The following ZFHX3 variants were observed in gnomAD, a reference collection of about 807,000 sequenced individuals.
ZFHX3 encodes zinc finger homeobox protein 3.
ZFHX3 carries 42 observed loss-of-function variants against 279.1 expected under a neutral mutation model. That is an observed-to-expected ratio of 0.15 (90% confidence interval 0.12 to 0.19). The LOEUF (loss-of-function observed/expected upper bound fraction) is 0.19, where lower values mean the gene tolerates loss of function less well. ZFHX3 is among the 10% of genes least tolerant of loss of function. The pLI, the probability that ZFHX3 is intolerant of heterozygous loss-of-function variation, is 1.00. For synonymous variants in ZFHX3, 2,293 were observed against 1,957.8 expected, an observed-to-expected ratio of 1.17 and a Z score of -4.52; for missense variants, 4,981 against 4,754.0, an observed-to-expected ratio of 1.05 and a Z score of -1.40.
At chr16:73,143,623 A>T in intron 6 of ZFHX3, 1 of 542,546 alleles carries the variant, frequency 1.8e-6, no homozygotes, top group Non-Finnish European at 3.2e-6. Context: ...GTCTAGTAAC[A>T]CTGCAATTTC....
rs539834855 is a variant in ZFHX3, at chr16:73,642,568, C to T, written c.-1547+37612G>A. On this transcript the variant is annotated intron_variant, in intron 2 of 17. Transcript: ENST00000641206. The stretch of plus-strand genomic sequence containing the variant: ...AGCCACTTGAAATATTTACATATAC[C>T]AAAATATAAAACGGCATATAAAAAT... Among the ~76,000 whole-genome samples, 3 of 152,196 alleles carry T rather than the reference C, an allele frequency of 2.0e-5. No individual in the cohort carries two copies. The South Asian group carries it at 6.2e-4, about 32-fold the overall frequency.
In ZFHX3 at chr16:72,788,649, C is replaced by G. The variant is rs771055705; in HGVS notation, c.9627G>C (p.Gln3209His). 1.8e-5 allele frequency: 29 copies of G among 1,613,482 alleles called. No homozygotes were observed. Among genetic ancestry groups the G allele is most frequent in the Non-Finnish European group, 2.2e-5 (26 of 1,179,806 alleles). The part of the protein sequence containing the change: ...QQQQQQPQVQ[Q>H]PPPPPAAQPP... ...GCTGGGCTGCTGGCGGCGGGGGAGGCTGCTGCACCTGTGGTTGCTGCTGCT... is the reference window on the plus strand; with the variant it reads ...GCTGGGCTGCTGGCGGCGGGGGAGGGTGCTGCACCTGTGGTTGCTGCTGCT... Residue 3209 changes from glutamine (Q) to histidine (H), a missense_variant, in exon 10 of 10, where the codon CAG (glutamine) becomes CAC (histidine). Gln to His is a conservative substitution (Grantham distance 24). Around this residue, in one of 7 missense-constraint regions of ZFHX3, gnomAD observed 1,034 missense variants for 786.0 expected, o/e 1.32. Coordinates refer to ENST00000268489, the MANE Select transcript of ZFHX3 (RefSeq NM_006885.4).
intron 3 of ZFHX3, among the ~76,000 whole-genome samples, chr16:73,344,465 G>A (rs540237397): frequency 1.5e-4 from 23 of 152,280 alleles, no homozygotes; most frequent in South Asian, 1.2e-3. Flanking sequence ...ATGTGTTTCC[G>A]GATAAAGCAC....
At chr16:73,781,327 A>T (rs1959464902) in intron 1 of ZFHX3, among the ~76,000 whole-genome samples, 1 of 152,250 alleles carries the variant, frequency 6.6e-6, no homozygotes, top group Admixed American at 6.5e-5. Flanking sequence ...CAGCTCGATT[A>T]TAAGGCTAGA....
At chr16:73,330,154 G>A (rs2015772527) in intron 3 of ZFHX3, among the ~76,000 whole-genome samples, 1 of 152,184 alleles carries the variant, frequency 6.6e-6, no homozygotes, top group Admixed American at 6.5e-5. Flanking sequence ...CACACTTAGA[G>A]CAGGATGGGG....
At chr16:73,159,321 C>A (rs1409801073) in intron 5 of ZFHX3, among the ~76,000 whole-genome samples, 1 of 152,152 alleles carries the variant, frequency 6.6e-6, no homozygotes, top group Non-Finnish European at 1.5e-5. Context: ...TTTTTCTCCC[C>A]TTTTTATCTA....
At chr16:73,737,870 A>C (rs943083803) in intron 1 of ZFHX3, among the ~76,000 whole-genome samples, 15 of 152,140 alleles carry the variant, frequency 9.9e-5, no homozygotes. Context: ...ATAAAACTCA[A>C]ATCAGACAAT....
chr16:73,727,208 T>A (rs1313972396), intron 1 of ZFHX3, among the ~76,000 whole-genome samples: 2 of 152,124 alleles, frequency 1.3e-5, no homozygotes, highest in African/African-American at 4.8e-5. Context: ...TACAGGTGAA[T>A]CCTGGCAGGC....
At chr16:73,877,473 CAGTT>C (rs1490071233) in intron 1 of ZFHX3, among the ~76,000 whole-genome samples, 1 of 152,086 alleles carries the variant, frequency 6.6e-6, no homozygotes, top group Admixed American at 6.5e-5. Context: ...AAATAAGACT[CAGTT>C]AATTCAAAAG....
chr16:73,318,523 T>C (rs2015505157), intron 3 of ZFHX3, among the ~76,000 whole-genome samples: 1 of 152,194 alleles, frequency 6.6e-6, no homozygotes, highest in African/African-American at 2.4e-5. Flanking sequence ...TGCTTTTTTT[T>C]TTCTTTATTC....
intron 2 of ZFHX3, among the ~76,000 whole-genome samples, chr16:73,634,420 AG>A (rs1181078996): frequency 3.2e-5 from 4 of 123,334 alleles, no homozygotes; most frequent in Non-Finnish European, 6.5e-5. Flanking sequence ...CAACTCAACC[AG>A]TTATTATGTA....
At chr16:73,841,491 G>C (rs1411063896) in intron 1 of ZFHX3, among the ~76,000 whole-genome samples, 1 of 152,112 alleles carries the variant, frequency 6.6e-6, no homozygotes, top group South Asian at 2.1e-4. Context: ...GCATGACCAA[G>C]CTGAAAGAGA....
At chr16:73,518,015 T>C (rs1817649129) in intron 2 of ZFHX3, among the ~76,000 whole-genome samples, 2 of 152,338 alleles carry the variant, frequency 1.3e-5, no homozygotes, top group South Asian at 4.1e-4. Flanking sequence ...TTTCAACACA[T>C]AATCAACGTA....
intron 2 of ZFHX3, among the ~76,000 whole-genome samples, chr16:73,537,067 T>C (rs955953744): frequency 2.0e-5 from 3 of 152,204 alleles, no homozygotes; most frequent in African/African-American, 4.8e-5. Context: ...ATCTATTTCA[T>C]CACATGCTGG....
chr16:73,430,830 G>A (rs564459871), intron 3 of ZFHX3, among the ~76,000 whole-genome samples: 4 of 152,152 alleles, frequency 2.6e-5, no homozygotes, highest in Admixed American at 6.5e-5. Flanking sequence ...TTCCATTTCT[G>A]TGACCCACTT....
intron 1 of ZFHX3, among the ~76,000 whole-genome samples, chr16:72,977,401 G>A (rs1365205986): frequency 6.6e-6 from 1 of 152,196 alleles, no homozygotes; most frequent in African/African-American, 2.4e-5. Flanking sequence ...TCCATTTATA[G>A]GGTCGCATGC....
rs1346170449 is a variant in ZFHX3, at chr16:72,797,231, C to G, written c.5451G>C (p.Val1817=). 6 of 1,613,920 alleles carry G rather than the reference C, an allele frequency of 3.7e-6. No individual in the cohort carries two copies. Among genetic ancestry groups the G allele is most frequent in the Non-Finnish European group, 5.1e-6 (6 of 1,179,952 alleles). The part of the protein sequence containing the change: ...FQLNPEVSLP[V]TSGALTLTGT... ...CAGTCAGTGTCAGTGCCCCACTGGT[C>G]ACTGGCAAGCTCACCTCGGGGTTAA... is the stretch of plus-strand genomic sequence containing the variant. Residue 1817 remains valine (V), a synonymous_variant, in exon 9 of 10, where the codon GTG becomes GTC. Coordinates refer to ENST00000268489, the MANE Select transcript of ZFHX3 (RefSeq NM_006885.4).
chr16:72,863,537 C>CAGAGAG (rs374148445), intron 4 of ZFHX3, among the ~76,000 whole-genome samples: 18,218 of 148,230 alleles, frequency 0.12, 3,127 homozygotes, highest in African/African-American at 0.39. Flanking sequence ...CAGAGACAGA[C>CAGAGAG]AGAGAGAGAG....
chr16:73,832,205 CT>C (rs59475247), intron 1 of ZFHX3, among the ~76,000 whole-genome samples: 2,304 of 146,048 alleles, frequency 0.016, 27 homozygotes, highest in African/African-American at 0.035. Context: ...ACCTCATATG[CT>C]TTTTTTTTTT....
Sources: allele counts gnomAD v4.1 joint callset (sites outside exome capture counted in the v4.1 genomes callset), GRCh38; gene constraint gnomAD v4.1.1; regional missense constraint gnomAD v4.1.1; transcripts MANE v1.5; gene names NCBI Gene and HGNC (gene_info 2026-07-23, HGNC 2026-07-21).